The following NUP210L variants were observed in gnomAD, a reference collection of about 807,000 sequenced individuals.
NUP210L encodes the protein nucleoporin 210 like.
A neutral mutation model predicts 208.5 loss-of-function variants in NUP210L; 74 were observed. That is an observed-to-expected ratio of 0.35 (90% confidence interval 0.29 to 0.43). The LOEUF is 0.43. Ranked by LOEUF, NUP210L falls within the 20% of genes least tolerant of loss-of-function variation. The pLI is 1.00. For synonymous variants in NUP210L, 780 were observed against 816.9 expected, an observed-to-expected ratio of 0.95 and a Z score of 0.77; for missense variants, 1,843 against 2,289.4, an observed-to-expected ratio of 0.81 and a Z score of 3.98.
chr1:154,073,513 CAAAT>C lies in NUP210L; in HGVS notation c.2362-3052_2362-3049del, dbSNP rs1216581585. On this transcript the variant is annotated intron_variant, in intron 16 of 39. Transcript: ENST00000368559. ...CCCTCTACCCTAGGTGAGACCATCT[CAAAT>C]AAATAAATAAATAAGGGCCATGCAT... is the stretch of plus-strand genomic sequence containing the variant. Among the ~76,000 whole-genome samples the C allele has an allele frequency of 3.9e-5, 6 of 151,900 alleles. No individual in the cohort carries two copies. The East Asian group carries it at 9.7e-4, about 24-fold the overall frequency.
intron 24 of NUP210L, 30 bp from the exon 25 acceptor site, chr1:154,054,437 A>G: frequency 6.2e-7 from 1 of 1,602,854 alleles, no homozygotes; most frequent in Non-Finnish European, 8.5e-7. Flanking sequence ...TTGAATGCCT[A>G]GAACATGAGG....
At chr1:154,039,543 T>G (rs1014540325) in intron 27 of NUP210L, among the ~76,000 whole-genome samples, 1 of 152,176 alleles carries the variant, frequency 6.6e-6, no homozygotes, top group African/African-American at 2.4e-5. Context: ...GCCTGGAAAC[T>G]CTTTATTTCT....
At chr1:154,020,094 AT>A (rs1651472185) in intron 32 of NUP210L, among the ~76,000 whole-genome samples, 1 of 152,206 alleles carries the variant, frequency 6.6e-6, no homozygotes, top group Non-Finnish European at 1.5e-5. Context: ...ATCAGCTGTT[AT>A]AGCATTGGGG....
intron 27 of NUP210L, among the ~76,000 whole-genome samples, chr1:154,045,759 A>G (rs1057228875): frequency 3.9e-5 from 6 of 152,130 alleles, no homozygotes; most frequent in African/African-American, 1.4e-4. Context: ...CAGTGGGTGG[A>G]TCACCTAAGC....
At chr1:154,138,892 G>C (rs1658692657) in intron 5 of NUP210L, among the ~76,000 whole-genome samples, 2 of 152,202 alleles carry the variant, frequency 1.3e-5, no homozygotes, top group Non-Finnish European at 2.9e-5. Flanking sequence ...AGGTATAAGT[G>C]AGAAATGTAA....
At chr1:154,132,763 T>C (rs1483990616) in intron 7 of NUP210L, among the ~76,000 whole-genome samples, 1 of 152,202 alleles carries the variant, frequency 6.6e-6, no homozygotes, top group African/African-American at 2.4e-5. Flanking sequence ...GGTATGATTG[T>C]ATTTGTTGAA....
chr1:154,085,269 G>A (rs953471576), intron 16 of NUP210L, among the ~76,000 whole-genome samples: 1 of 150,658 alleles, frequency 6.6e-6, no homozygotes, highest in African/African-American at 2.4e-5. Context: ...AGAATGGTGT[G>A]AACTCAGGAG....
In NUP210L at chr1:154,065,816, C is replaced by G. The variant is rs568417560; in HGVS notation, c.2555-4142G>C. 2.8e-5 allele frequency among the ~76,000 whole-genome samples: 4 copies of G among 144,280 alleles called. No homozygotes were observed. In the South Asian group the frequency reaches 8.8e-4, roughly 32 times the overall value. The allele number at this position is 144,280 out of a possible 152,430, so 94.7% of individuals were successfully genotyped here. A position where few individuals can be genotyped will look rare whatever the true frequency, so the allele number is the denominator to read the frequency against. ...GCTGAGGCACAAGAATTGCTTGAAT[C>G]CCGAAGGCAGAGGTTGCAGTAAGCA... On this transcript the variant is annotated intron_variant, in intron 17 of 39. Transcript: ENST00000368559.
At chr1:154,083,139 C>G (rs1160374090) in intron 16 of NUP210L, among the ~76,000 whole-genome samples, 1 of 152,178 alleles carries the variant, frequency 6.6e-6, no homozygotes, top group Non-Finnish European at 1.5e-5. Context: ...TTGCCACTGT[C>G]GGCTCGGTGG....
intron 7 of NUP210L, among the ~76,000 whole-genome samples, chr1:154,135,578 C>T (rs903208466): frequency 3.9e-5 from 6 of 152,192 alleles, no homozygotes; most frequent in Non-Finnish European, 5.9e-5. Context: ...CCCGCCACCA[C>T]GCCTGGCTAA....
At chr1:154,058,963 A>G (rs1654008331) in intron 20 of NUP210L, among the ~76,000 whole-genome samples, 1 of 152,204 alleles carries the variant, frequency 6.6e-6, no homozygotes, top group African/African-American at 2.4e-5. Flanking sequence ...CTGAGGCAGG[A>G]GGATCACTTG....
exon 22 of NUP210L, chr1:154,058,103 G>A (rs1404647250): frequency 6.2e-7 from 1 of 1,614,072 alleles, no homozygotes; most frequent in Non-Finnish European, 8.5e-7. Flanking sequence ...GGGTGACAAT[G>A]GCAGAAGCCA....
chr1:154,018,831 T>C, intron 33 of NUP210L, 102 bp downstream of exon 33: 1 of 1,340,692 alleles, frequency 7.5e-7, no homozygotes. Context: ...ATATCTGTTT[T>C]ATGAGTGTAT....
chr1:154,087,869 C>T (rs1342554518), intron 16 of NUP210L, among the ~76,000 whole-genome samples: 1 of 152,050 alleles, frequency 6.6e-6, no homozygotes, highest in Non-Finnish European at 1.5e-5. Context: ...TCATATGAAA[C>T]GTCAGAATAG....
chr1:154,123,499 A>G (rs1315616959), intron 10 of NUP210L, among the ~76,000 whole-genome samples: 1 of 152,194 alleles, frequency 6.6e-6, no homozygotes, highest in African/African-American at 2.4e-5. Context: ...ATGTGCTATT[A>G]GCCATATGTA....
intron 33 of NUP210L, 137 bp downstream of exon 33, chr1:154,018,796 C>G: frequency 1.1e-6 from 1 of 927,506 alleles, no homozygotes; most frequent in Non-Finnish European, 1.6e-6. Flanking sequence ...GCTTTGTGTT[C>G]CAGTAAAGTT....
chr1:154,118,842 T>G (rs747361642), intron 10 of NUP210L, 34 bp from the exon 11 acceptor site: 1 of 1,356,276 alleles, frequency 7.4e-7, no homozygotes, highest in East Asian at 2.3e-5. Flanking sequence ...CAAAATATAT[T>G]TATAAGGACT....
At chr1:154,082,538 C>T (rs1244827555) in intron 16 of NUP210L, among the ~76,000 whole-genome samples, 1 of 152,156 alleles carries the variant, frequency 6.6e-6, no homozygotes, top group Non-Finnish European at 1.5e-5. Flanking sequence ...GGCATGGAAG[C>T]TCCACGCCCC....
intron 16 of NUP210L, among the ~76,000 whole-genome samples, chr1:154,083,607 C>G (rs1655467449): frequency 6.6e-6 from 1 of 151,956 alleles, no homozygotes; most frequent in Non-Finnish European, 1.5e-5. Context: ...TGGAGAACAC[C>G]CAGCTGGTGT....
Sources: allele counts gnomAD v4.1 joint callset (sites outside exome capture counted in the v4.1 genomes callset), GRCh38; gene constraint gnomAD v4.1.1; transcripts MANE v1.5; gene names NCBI Gene and HGNC (gene_info 2026-07-23, HGNC 2026-07-21).